PMEL: variants seen among roughly 807,000 people sequenced by gnomAD.
PMEL encodes premelanosome protein, also known as melanocyte protein PMEL.
In PMEL, 53 loss-of-function variants were observed where a neutral mutation model predicts 64.9. That is an observed-to-expected ratio of 0.82 (90% CI 0.66 to 1.03). The LOEUF is 1.03. Among genes scored for constraint, PMEL ranks in the 50% least tolerant of loss-of-function variants. The pLI is 0.00. For missense variants in PMEL, 716 were observed against 814.9 expected, an observed-to-expected ratio of 0.88 and a Z score of 1.48; for synonymous variants, 299 against 316.2, an observed-to-expected ratio of 0.95 and a Z score of 0.58.
At chr12:55,960,793 C>T (rs1249908426) in intron 3 of PMEL, among the ~76,000 whole-genome samples, 1 of 149,760 alleles carries the variant, frequency 6.7e-6, no homozygotes, top group Non-Finnish European at 1.5e-5. Flanking sequence ...GTGATCCGCC[C>T]GCCTCGGCCT....
At chr12:55,958,159 G>C (rs1050862526) in intron 4 of PMEL, 75 bp from the exon 5 acceptor site, 2 of 1,468,488 alleles carry the variant, frequency 1.4e-6, no homozygotes, top group East Asian at 4.6e-5. Context: ...GCTTCGAAAC[G>C]GCACTGGAGA....
At position 55,957,604 on chromosome 12, in the gene PMEL, C is replaced by T. The variant is rs768690853; in HGVS notation, c.699G>A (p.Leu233=). 1.9e-6 allele frequency: 3 copies of T among 1,613,628 alleles called. No homozygotes were observed. Among genetic ancestry groups the T allele is most frequent in the Non-Finnish European group, 2.5e-6 (3 of 1,179,912 alleles). The change falls in exon 6 of 11, where the codon CTG becomes CTA. Residue 233 remains leucine, a synonymous_variant. Transcript: ENST00000548747. ...GGGCAAAGGTCAGAGGCTGATTTCTCAGGAAGTGCTTGTTCCCTCCATCCA... is the reference window on the plus strand; with the variant it reads ...GGGCAAAGGTCAGAGGCTGATTTCTTAGGAAGTGCTTGTTCCCTCCATCCA... ...RALDGGNKHF[L]RNQPLTFALQ... is the part of the protein sequence containing the mutation.
At chr12:55,960,117 G>A (rs191500118) in intron 3 of PMEL, among the ~76,000 whole-genome samples, 7 of 148,824 alleles carry the variant, frequency 4.7e-5, no homozygotes, top group African/African-American at 1.7e-4. Flanking sequence ...AGGCTGAGGC[G>A]GAAGGATCAC....
chr12:55,956,000 C>T (rs1251098539), intron 7 of PMEL, 103 bp downstream of exon 7: 2 of 1,103,786 alleles, frequency 1.8e-6, no homozygotes, highest in Non-Finnish European at 2.8e-6. Flanking sequence ...TTTGGGTATT[C>T]TTCCTATCTA....
At chr12:55,965,915 T>C in intron 1 of PMEL, 21 bp downstream of exon 1, 1 of 1,614,176 alleles carries the variant, frequency 6.2e-7, no homozygotes, top group Non-Finnish European at 8.5e-7. Flanking sequence ...CACCTGCTCA[T>C]GTCCACATAT....
intron 1 of PMEL, among the ~76,000 whole-genome samples, chr12:55,964,928 C>CT (rs545848638): frequency 0.24 from 29,438 of 123,742 alleles, 4,138 homozygotes; most frequent in Non-Finnish European, 0.32. Flanking sequence ...CATCCCCTTT[C>CT]TTTTTTTTTT....
At chr12:55,957,891 A>G (rs764662455) in intron 5 of PMEL, 32 bp downstream of exon 5, 72 of 1,611,290 alleles carry the variant, frequency 4.5e-5, no homozygotes, top group Non-Finnish European at 6.1e-5. Flanking sequence ...CTCTTGCCCT[A>G]CAACTGGCCT....
At chr12:55,956,704 T>A (rs1001821306) in intron 6 of PMEL, among the ~76,000 whole-genome samples, 2 of 152,206 alleles carry the variant, frequency 1.3e-5, no homozygotes, top group Non-Finnish European at 1.5e-5. Flanking sequence ...CCAACCGTTC[T>A]CAGCAGTAGA....
chr12:55,964,418 G>A (rs1222368566), intron 1 of PMEL, among the ~76,000 whole-genome samples: 4 of 151,180 alleles, frequency 2.6e-5, no homozygotes, highest in Non-Finnish European at 4.4e-5. Context: ...CCTTGGTCTC[G>A]CAAAGTGCTG....
intron 10 of PMEL, 84 bp downstream of exon 10, chr12:55,955,190 G>C (rs1888811506): frequency 4.1e-6 from 4 of 980,648 alleles, no homozygotes; most frequent in Non-Finnish European, 6.6e-6. Context: ...CTCAAAGGGA[G>C]AGGTGGTTTC....
chr12:55,966,563 C>T (rs1889309437), upstream of PMEL: 2 of 458,568 alleles, frequency 4.4e-6, no homozygotes, highest in Non-Finnish European at 5.9e-6. Context: ...ATCAAGAAAT[C>T]CCTACAGACT....
chr12:55,961,211 GAAAA>G, intron 3 of PMEL, 102 bp downstream of exon 3: 1 of 892,424 alleles, frequency 1.1e-6, no homozygotes, highest in Non-Finnish European at 1.6e-6. Flanking sequence ...TCTCAAAAAA[GAAAA>G]AAAAAAAAAA....
Position 55,961,676 on chromosome 12 carries a change from T to C in PMEL, c.133A>G (p.Asn45Asp), listed in dbSNP as rs144985891. 1.2e-6 allele frequency: 2 copies of C among 1,613,992 alleles called. No individual in the cohort carries two copies. The highest frequency in any genetic ancestry group is 2.7e-5 in the African/African-American group (2 of 74,914). Residue 45 changes from asparagine (N) to aspartate (D), a missense_variant, in exon 2 of 11, where the codon AAC (asparagine) becomes GAC (aspartate). Coordinates refer to ENST00000548747, the MANE Select transcript of PMEL (RefSeq NM_001384361.1). ...VSRQLRTKAWNRQLYPEWTEA... is the reference protein window; with the variant it reads ...VSRQLRTKAWDRQLYPEWTEA... ...GTCCACTCTGGATACAGCTGCCTGT[T>C]CCAGGCTTTGGTTCTGAGTTGCCTT...
intron 7 of PMEL, 98 bp downstream of exon 7, chr12:55,956,005 T>C: frequency 9.1e-7 from 1 of 1,096,950 alleles, no homozygotes; most frequent in Non-Finnish European, 1.4e-6. Context: ...GTATTCTTCC[T>C]ATCTAGGTGA....
intron 4 of PMEL, 137 bp from the exon 5 acceptor site, chr12:55,958,221 A>G (rs1888971653): frequency 9.6e-6 from 9 of 941,624 alleles, no homozygotes; most frequent in Non-Finnish European, 1.4e-5. Context: ...AGGCTGTGAT[A>G]TGGGGGGACA....
Position 55,961,687 on chromosome 12 carries a change from G to A in PMEL, c.122C>T (p.Thr41Ile). 6.2e-7 allele frequency: 1 copy of A among 1,614,070 alleles called. No homozygotes were observed. The highest frequency in any genetic ancestry group is 8.5e-7 in the Non-Finnish European group (1 of 1,180,010). Residue 41 changes from threonine (T) to isoleucine (I), a missense_variant, in exon 2 of 11, where the codon ACC becomes ATC. Transcript: ENST00000548747. ...DWLGVSRQLR[T>I]KAWNRQLYPE... ...ATACAGCTGCCTGTTCCAGGCTTTG[G>A]TTCTGAGTTGCCTTGAGACACCAAG...
At chr12:55,965,508 T>C (rs1431362063) in intron 1 of PMEL, among the ~76,000 whole-genome samples, 1 of 146,950 alleles carries the variant, frequency 6.8e-6, no homozygotes, top group Non-Finnish European at 1.5e-5. Context: ...GAACAAAAGG[T>C]CTGGGCTGTG....
chr12:55,954,432 A>C (rs1888757505), intron 10 of PMEL, 83 bp from the exon 11 acceptor site: 1 of 1,427,232 alleles, frequency 7.0e-7, no homozygotes. Context: ...GAACACACCC[A>C]TATCCCAGTC....
chr12:55,961,448 AG>A lies in PMEL; in HGVS notation c.202del (p.Leu68SerfsTer10). The A allele has an allele frequency of 4.3e-6, 7 of 1,614,110 alleles. No homozygotes were observed. Among genetic ancestry groups the A allele is most frequent in the Non-Finnish European group, 5.9e-6 (7 of 1,179,986 alleles). On this transcript the variant is annotated frameshift_variant, in exon 3 of 11. Coordinates refer to ENST00000548747, the MANE Select transcript of PMEL (RefSeq NM_001384361.1). LOFTEE classifies it high-confidence loss of function. ...TGTAGGCCCATCATTACTGACCTTG[AG>A]GGACACTTGACCACCTGGGAAGGAA... is the stretch of plus-strand genomic sequence containing the variant. ...LDCWRGGQVS[L>X]KVSNDGPTLI... is the part of the protein sequence containing the mutation.
Sources: gnomAD v4.1 joint callset for allele counts (sites outside exome capture counted in the v4.1 genomes callset) on GRCh38, gnomAD v4.1.1 for gene constraint, MANE v1.5 for transcripts, NCBI Gene and HGNC (gene_info 2026-07-23, HGNC 2026-07-21) for gene names.